The following RAB33A variants were observed in gnomAD, a reference collection of about 807,000 sequenced individuals.
RAB33A encodes RAB33A, member RAS oncogene family, also known as ras-related protein Rab-33A.
Under a neutral mutation model 12.0 loss-of-function variants are expected in RAB33A, and 6 were observed. That is an observed-to-expected ratio of 0.50 (90% CI 0.27 to 0.99). The LOEUF is 0.99. Ranked by LOEUF, RAB33A falls within the 50% of genes least tolerant of loss-of-function variation. RAB33A has a pLI of 0.11. For missense variants in RAB33A, 109 were observed against 192.0 expected (o/e 0.57, Z 2.55); for synonymous variants, 70 against 82.4 (o/e 0.85, Z 0.81).
intron 1 of RAB33A, among the ~76,000 whole-genome samples, chrX:130,179,369 G>A (rs2031697731): frequency 9.0e-6 from 1 of 111,463 alleles, no homozygotes; most frequent in South Asian, 3.8e-4. Context: ...GCTAGTGGCA[G>A]GTATTTTTAG....
chrX:130,149,461 A>C, the RAB33A span: 21 of 1,191,704 alleles, frequency 1.8e-5, no homozygotes, highest in Non-Finnish European at 2.3e-5. Flanking sequence ...ACTTAAGGGA[A>C]TACTCACCAG....
At chrX:130,130,112 A>G in the RAB33A span, 1 of 1,211,965 alleles carries the variant, frequency 8.3e-7, no homozygotes, top group Non-Finnish European at 1.1e-6. Flanking sequence ...GCTGGGAGGA[A>G]TAGTAATTTC....
the RAB33A span, among the ~76,000 whole-genome samples, chrX:130,141,468 T>C: frequency 6.2e-5 from 7 of 112,128 alleles, no homozygotes; most frequent in African/African-American, 2.3e-4. Flanking sequence ...TACAACATTT[T>C]TACAGAATGC....
At chrX:130,145,433 G>T in the RAB33A span, 1 of 983,705 alleles carries the variant, frequency 1.0e-6, no homozygotes, top group Non-Finnish European at 1.5e-6. Context: ...ACTGGCTGGT[G>T]GGCAAGTACG....
the RAB33A span, among the ~76,000 whole-genome samples, chrX:130,121,725 T>C: frequency 8.9e-6 from 1 of 112,355 alleles, no homozygotes; most frequent in Admixed American, 9.4e-5. Context: ...CAGGAGGGAA[T>C]TGCATGTTTG....
At chrX:130,143,791 G>T in the RAB33A span, among the ~76,000 whole-genome samples, 1 of 110,106 alleles carries the variant, frequency 9.1e-6, no homozygotes, top group Non-Finnish European at 1.9e-5. Context: ...AGGTTGCAGC[G>T]AGCTGAGATC....
chrX:130,175,483 C>G (rs6637699), intron 1 of RAB33A, among the ~76,000 whole-genome samples: 1 of 98,642 alleles, frequency 1.0e-5, no homozygotes, highest in Non-Finnish European at 2.0e-5. Flanking sequence ...CAGAACTCAA[C>G]TGGGTTTACT....
the RAB33A span, among the ~76,000 whole-genome samples, chrX:130,134,813 A>C: frequency 8.9e-6 from 1 of 112,013 alleles, no homozygotes; most frequent in Admixed American, 9.5e-5. Context: ...GAGCAACCGT[A>C]AACTGTGAAA....
intron 1 of RAB33A, among the ~76,000 whole-genome samples, chrX:130,173,296 A>G (rs191047752): frequency 2.9e-3 from 327 of 111,861 alleles, no homozygotes; most frequent in Non-Finnish European, 4.8e-3. Context: ...GGGGGCCTCT[A>G]TAAAGGCACT....
the RAB33A span, among the ~76,000 whole-genome samples, chrX:130,124,065 T>C: frequency 0.028 from 3,144 of 111,715 alleles, 99 homozygotes; most frequent in African/African-American, 0.092. Flanking sequence ...TGAGACCCCA[T>C]CTCTATTTTT....
chrX:130,161,202 A>AT, the RAB33A span, among the ~76,000 whole-genome samples: 1 of 110,781 alleles, frequency 9.0e-6, no homozygotes, highest in Non-Finnish European at 1.9e-5. Context: ...GGTCAAACTG[A>AT]TTTTTCCAGC....
chrX:130,147,634 A>G, the RAB33A span: 1 of 1,212,056 alleles, frequency 8.3e-7, no homozygotes, highest in Admixed American at 2.2e-5. Flanking sequence ...CTTCAGACAT[A>G]AAAATCATGA....
At chrX:130,169,610 C>T (rs2031583664), upstream of RAB33A, among the ~76,000 whole-genome samples, 1 of 111,776 alleles carries the variant, frequency 8.9e-6, no homozygotes, top group South Asian at 3.7e-4. Context: ...GGAAATCCCC[C>T]AAAGTCTCAC....
the RAB33A span, chrX:130,136,578 A>G: frequency 4.0e-5 from 40 of 999,819 alleles, no homozygotes; most frequent in Non-Finnish European, 5.4e-5. Context: ...ATGAAGGAGT[A>G]AAAATGAGGC....
At chrX:130,116,572 G>A in the RAB33A span, among the ~76,000 whole-genome samples, 44 of 112,367 alleles carry the variant, frequency 3.9e-4, no homozygotes, top group Non-Finnish European at 3.4e-4. Context: ...GATTACAGGC[G>A]TAAGCCATCG....
upstream of RAB33A, among the ~76,000 whole-genome samples, chrX:130,170,512 A>G (rs926872779): frequency 2.7e-5 from 3 of 112,412 alleles, no homozygotes; most frequent in African/African-American, 9.7e-5. Context: ...ACTTTATCGT[A>G]TGTAAATTGT....
the RAB33A span, among the ~76,000 whole-genome samples, chrX:130,135,390 G>A: frequency 1.0e-5 from 1 of 97,094 alleles, no homozygotes; most frequent in East Asian, 3.2e-4. Flanking sequence ...CCTGGCCCAC[G>A]TATTACTTTT....
chrX:130,138,470 A>T, the RAB33A span: 746 of 568,934 alleles, frequency 1.3e-3, 1 homozygote, highest in Non-Finnish European at 1.7e-3. Flanking sequence ...ATCTCAAAAA[A>T]AAATAAATAA....
At chrX:130,126,384 C>T in the RAB33A span, among the ~76,000 whole-genome samples, 4 of 110,064 alleles carry the variant, frequency 3.6e-5, no homozygotes, top group Admixed American at 9.7e-5. Flanking sequence ...CCCAGCTACC[C>T]GGGAGGCTGA....
Sources: gnomAD v4.1 joint callset for allele counts (sites outside exome capture counted in the v4.1 genomes callset) on GRCh38, gnomAD v4.1.1 for gene constraint, MANE v1.5 for transcripts, NCBI Gene and HGNC (gene_info 2026-07-23, HGNC 2026-07-21) for gene names.